The following KRT28 variants were observed in gnomAD, a reference collection of about 807,000 sequenced individuals.
KRT28 encodes the protein keratin, type I cytoskeletal 28.
Under a neutral mutation model 48.1 loss-of-function variants are expected in KRT28, and 45 were observed. The observed-to-expected ratio is 0.94, with a 90% CI of 0.74 to 1.20. KRT28 has a LOEUF of 1.20. Ranked by LOEUF, KRT28 falls within the 50% of genes most tolerant of loss-of-function variation. KRT28 has a pLI of 0.00. For synonymous variants in KRT28, 228 were observed against 227.4 expected, an observed-to-expected ratio of 1.00 and a Z score of -0.03; for missense variants, 571 against 574.1, an observed-to-expected ratio of 0.99 and a Z score of 0.06.
At chr17:40,793,631 G>A (rs904301359) in intron 6 of KRT28, among the ~76,000 whole-genome samples, 198 bp downstream of exon 6, 1 of 152,082 alleles carries the variant, frequency 6.6e-6, no homozygotes, top group Admixed American at 6.5e-5. Flanking sequence ...AACATTTCCA[G>A]TCATCTAATG....
chr17:40,798,681 G>A (rs897017076), intron 2 of KRT28, among the ~76,000 whole-genome samples: 2 of 152,066 alleles, frequency 1.3e-5, no homozygotes, highest in Non-Finnish European at 2.9e-5. Context: ...ATGATTTACT[G>A]AGCATCTACT....
chr17:40,794,019 C>G lies in KRT28; in HGVS notation c.1006G>C (p.Glu336Gln). 6 of 1,613,952 alleles carry G rather than the reference C, an allele frequency of 3.7e-6. No individual in the cohort carries two copies. Among genetic ancestry groups the G allele is most frequent in the Non-Finnish European group, 4.2e-6 (5 of 1,179,872 alleles). ...TGCGTACAGTAGTTGCTCTCGGTCT[C>G]TGTCAAGGAGCACTCCAGGGAGTGT... ...TKHSLECSLT[E>Q]TESNYCTQLA... Residue 336 changes from glutamate to glutamine, a missense_variant, in exon 6 of 8, where the codon GAG (glutamate) becomes CAG (glutamine). Transcript: ENST00000306658.
Position 40,793,977 on chromosome 17 carries a change from C to T in KRT28, c.1048G>A (p.Ala350Thr), listed in dbSNP as rs147900752. 877 of 1,613,964 alleles carry T rather than the reference C, an allele frequency of 5.4e-4. 2 individuals carry two copies. In the African/African-American group the frequency reaches 0.01, roughly 19 times the overall value. The change falls in exon 6 of 8, where the codon GCT becomes ACT. Residue 350 changes from alanine (A) to threonine (T), a missense_variant. Coordinates refer to ENST00000306658, the MANE Select transcript of KRT28 (RefSeq NM_181535.3). ...NYCTQLAQIQAQIGALEEQLH... is the reference protein window; with the variant it reads ...NYCTQLAQIQTQIGALEEQLH... ...TGCTCCTCCAGGGCCCCGATCTGAG[C>T]CTGGATCTGCGCCAGCTGCGTACAG...
chr17:40,797,539 A>G (rs1351183845), intron 3 of KRT28, among the ~76,000 whole-genome samples: 2 of 152,156 alleles, frequency 1.3e-5, no homozygotes, highest in African/African-American at 4.8e-5. Flanking sequence ...ACTTGAAGCC[A>G]AGAGTTCCAG....
chr17:40,799,360 T>G (rs1904694048), intron 1 of KRT28, 84 bp downstream of exon 1: 6 of 1,102,230 alleles, frequency 5.4e-6, no homozygotes, highest in African/African-American at 1.6e-5. Context: ...ATAACAGTCA[T>G]GAAGCATTTC....
chr17:40,799,425 CA>C lies in KRT28; in HGVS notation c.450+18del. ...TAGTTTTAAATACTTGGGTTAGTTCCAAATCTGTGATTTCTCACCTTATTCT... is the reference window on the plus strand; with the variant it reads ...TAGTTTTAAATACTTGGGTTAGTTCCAATCTGTGATTTCTCACCTTATTCT... On this transcript the variant is annotated intron_variant, in intron 1 of 7. Transcript: ENST00000306658. 1 of 1,574,862 alleles carries C rather than the reference CA, an allele frequency of 6.3e-7. No homozygotes were observed. Among genetic ancestry groups the C allele is most frequent in the Non-Finnish European group, 8.6e-7 (1 of 1,158,806 alleles).
Position 40,798,352 on chromosome 17 carries a change from G to C in KRT28, c.573C>G (p.Ala191=), listed in dbSNP as rs1465638965. ...NELTLHQNVE[A]DINGLRRVLD... ...GGACTCGCCGTAATCCGTTGATGTCGGCCTCTACGTTTTGGTGAAGGGTGA... is the reference window on the plus strand; with the variant it reads ...GGACTCGCCGTAATCCGTTGATGTCCGCCTCTACGTTTTGGTGAAGGGTGA... The change falls in exon 3 of 8, where the codon GCC becomes GCG. Residue 191 remains alanine, a synonymous_variant. Transcript: ENST00000306658. The C allele has an allele frequency of 8.7e-6, 14 of 1,611,954 alleles. No homozygotes were observed. Among genetic ancestry groups the C allele is most frequent in the Non-Finnish European group, 1.1e-5 (13 of 1,178,856 alleles).
In KRT28 at chr17:40,798,797, T is replaced by C. The variant is rs527580075; in HGVS notation, c.533+120A>G. On this transcript the variant is annotated intron_variant, in intron 2 of 7. Transcript: ENST00000306658. ...ATTGTAACATTATAATACAAATCCT[T>C]TGCTTCCTTTTATCTTTTAGGTGAT... 8 of 672,818 alleles carry C rather than the reference T, an allele frequency of 1.2e-5. No individual in the cohort carries two copies. The East Asian group carries it at 2.3e-4, about 19-fold the overall frequency. 41.7% of individuals were successfully genotyped at this position (672,818 alleles called of 1,614,324 possible).
Position 40,797,218 on chromosome 17 carries a change from C to G in KRT28, c.754G>C (p.Gly252Arg), listed in dbSNP as rs202240114. ...NVNVEMNAAP[G>R]VDLAVLLNNM... ...TTCAACAAAACCGCGAGGTCTACCC[C>G]CGGGGCCGCGTTCATCTCCACGTTC... The change falls in exon 4 of 8, where the codon GGG becomes CGG. Residue 252 changes from glycine (G) to arginine (R), a missense_variant. Transcript: ENST00000306658. 1.0e-4 allele frequency: 165 copies of G among 1,614,074 alleles called. No individual in the cohort carries two copies. The highest frequency in any genetic ancestry group is 1.3e-4 in the Non-Finnish European group (157 of 1,180,042).
chr17:40,795,375 G>A (rs971657880), intron 5 of KRT28, among the ~76,000 whole-genome samples: 4 of 152,192 alleles, frequency 2.6e-5, no homozygotes, highest in African/African-American at 4.8e-5. Flanking sequence ...ACACTCATAA[G>A]TCAGAGAGGA....
chr17:40,799,709 G>A lies in KRT28; in HGVS notation c.185C>T (p.Ala62Val), dbSNP rs4624233. 324,122 of 1,613,642 alleles carry A rather than the reference G, an allele frequency of 0.2. 34,711 individuals are homozygous for A. Among genetic ancestry groups the A allele is most frequent in the East Asian group, 0.36 (15,990 of 44,858 alleles). ...AGCAGCATTTCCAAGGGCACCACCA[G>A]CATGGCTCCCACCAGGAACACTGCC... ...GLGSVPGGSH[A>V]GGALGNAACI... The change falls in exon 1 of 8, where the codon GCT becomes GTT. Residue 62 changes from alanine (A) to valine (V), a missense_variant. Coordinates refer to ENST00000306658, the MANE Select transcript of KRT28 (RefSeq NM_181535.3).
Position 40,793,256 on chromosome 17 carries a change from C to T in KRT28, c.1197-46G>A, listed in dbSNP as rs143597926. 52 of 1,232,808 alleles carry T rather than the reference C, an allele frequency of 4.2e-5. No individual in the cohort carries two copies. In the South Asian group the frequency reaches 5.5e-4, roughly 13 times the overall value. The allele number at this position is 1,232,808 out of a possible 1,614,324, so 76.4% of individuals were successfully genotyped here. ...ATTCTTTTATATTTCTGCTTACTAT[C>T]GCTTCAGAAATATTCATTGACTCAA... is the stretch of plus-strand genomic sequence containing the variant. On this transcript the variant is annotated intron_variant, in intron 6 of 7. Transcript: ENST00000306658.
Position 40,797,191 on chromosome 17 carries a change from T to G in KRT28, c.781A>C (p.Asn261His). 1 of 1,614,174 alleles carries G rather than the reference T, an allele frequency of 6.2e-7. No individual in the cohort carries two copies. Residue 261 changes from asparagine to histidine, a missense_variant, in exon 4 of 8, where the codon AAC becomes CAC. Asn to His is a moderately conservative substitution (Grantham distance 68, BLOSUM62 1). Transcript: ENST00000306658. The stretch of plus-strand genomic sequence containing the variant: ...AGGGCTTCGTACTCCGCTCGCATGT[T>G]GTTCAACAAAACCGCGAGGTCTACC... ...PGVDLAVLLN[N>H]MRAEYEALAE... is the part of the protein sequence containing the mutation.
chr17:40,798,219 G>T lies in KRT28; in HGVS notation c.690+16C>A, dbSNP rs758142862. On this transcript the variant is annotated intron_variant, in intron 3 of 7. Coordinates refer to ENST00000306658, the MANE Select transcript of KRT28 (RefSeq NM_181535.3). ...GTACAGAGTTGTGATTGGACTACAG[G>T]TAAAGCTTCTCCTACCTCTTCGTGG... 4 of 1,592,948 alleles carry T rather than the reference G, an allele frequency of 2.5e-6. No individual in the cohort carries two copies. The East Asian group carries it at 6.8e-5, about 27-fold the overall frequency.
intron 2 of KRT28, among the ~76,000 whole-genome samples, chr17:40,798,666 G>T (rs1223140488): frequency 1.3e-5 from 2 of 152,186 alleles, no homozygotes; most frequent in South Asian, 4.1e-4. Flanking sequence ...TTCCTTAGTT[G>T]ACTAATGATT....
At position 40,799,766 on chromosome 17, in the gene KRT28, C is replaced by G; in HGVS notation, c.128G>C (p.Ser43Thr). Residue 43 changes from serine to threonine, a missense_variant, in exon 1 of 8, where the codon AGT becomes ACT. Physicochemically the swap from Ser to Thr is moderately conservative, Grantham distance 58. Coordinates refer to ENST00000306658, the MANE Select transcript of KRT28 (RefSeq NM_181535.3). ...SSACGGSVAG[S>T]EFSCALGGGL... ...CCCTCCCAAGGCACAGGAAAATTCACTTCCAGCAACAGAGCCACCACATGC... is the reference window on the plus strand; with the variant it reads ...CCCTCCCAAGGCACAGGAAAATTCAGTTCCAGCAACAGAGCCACCACATGC... 6.2e-7 allele frequency: 1 copy of G among 1,614,148 alleles called. No individual in the cohort carries two copies. The highest frequency in any genetic ancestry group is 1.1e-5 in the South Asian group (1 of 91,060).
Position 40,792,486 on chromosome 17 carries a change from T to C in KRT28, c.1336A>G (p.Ile446Val). 1 of 1,613,012 alleles carries C rather than the reference T, an allele frequency of 6.2e-7. No individual in the cohort carries two copies. Among genetic ancestry groups the C allele is most frequent in the Non-Finnish European group, 8.5e-7 (1 of 1,179,170 alleles). Residue 446 changes from isoleucine to valine, a missense_variant, in exon 8 of 8, where the codon ATT (isoleucine) becomes GTT (valine). Ile to Val is a conservative substitution (Grantham distance 29). Transcript: ENST00000306658. Reference protein sequence around the residue: ...GKVLSSRIHSIEEKTSKMTNG... With the variant: ...GKVLSSRIHSVEEKTSKMTNG... ...GTCATTTTAGATGTCTTTTCTTCAA[T>C]GGAGTGAATCCTTGATGAAAGAACT...
At chr17:40,795,659 G>A (rs1481472019) in intron 5 of KRT28, among the ~76,000 whole-genome samples, 1 of 152,208 alleles carries the variant, frequency 6.6e-6, no homozygotes, top group African/African-American at 2.4e-5. Flanking sequence ...CTTTTTATGT[G>A]TGGATTATCC....
At chr17:40,793,766 TG>T (rs1904545115) in intron 6 of KRT28, 62 bp downstream of exon 6, 1 of 1,508,920 alleles carries the variant, frequency 6.6e-7, no homozygotes, top group Admixed American at 1.7e-5. Context: ...GGAAGGCTAA[TG>T]GGCAGCCCAC....
Sources: allele counts gnomAD v4.1 joint callset (sites outside exome capture counted in the v4.1 genomes callset), GRCh38; gene constraint gnomAD v4.1.1; transcripts MANE v1.5; gene names NCBI Gene and HGNC (gene_info 2026-07-23, HGNC 2026-07-21).